Variants in SLC38A12 observed in about 807,000 individuals in gnomAD.
SLC38A12 encodes solute carrier family 38 member 12.
the SLC38A12 span, among the ~76,000 whole-genome samples, chr17:74,826,374 G>T: frequency 6.6e-6 from 1 of 152,196 alleles, no homozygotes. Context: ...TTAGCCACAG[G>T]ATAGAACCTC....
chr17:74,814,999 C>T, the SLC38A12 span, among the ~76,000 whole-genome samples: 1 of 152,148 alleles, frequency 6.6e-6, no homozygotes, highest in Non-Finnish European at 1.5e-5. Flanking sequence ...GAGCAGGGCT[C>T]AGAAGGTCAC....
At chr17:74,820,286 C>T in the SLC38A12 span, among the ~76,000 whole-genome samples, 1 of 152,226 alleles carries the variant, frequency 6.6e-6, no homozygotes, top group East Asian at 1.9e-4. Flanking sequence ...ACCATAAAAG[C>T]CAGCGGGCCA....
At chr17:74,817,563 C>G in the SLC38A12 span, among the ~76,000 whole-genome samples, 5 of 152,168 alleles carry the variant, frequency 3.3e-5, no homozygotes, top group Admixed American at 1.3e-4. Flanking sequence ...CAATACCTTT[C>G]AGAGGTACAT....
At chr17:74,808,484 T>C in the SLC38A12 span, among the ~76,000 whole-genome samples, 1 of 152,218 alleles carries the variant, frequency 6.6e-6, no homozygotes, top group Non-Finnish European at 1.5e-5. Context: ...GAAGATGCCA[T>C]CCTGCCTGGG....
At chr17:74,832,688 T>C in the SLC38A12 span, among the ~76,000 whole-genome samples, 2 of 152,244 alleles carry the variant, frequency 1.3e-5, no homozygotes, top group South Asian at 4.1e-4. Flanking sequence ...CTGGGTGAGC[T>C]TTTGACAGCA....
the SLC38A12 span, among the ~76,000 whole-genome samples, chr17:74,823,591 G>A: frequency 6.6e-6 from 1 of 152,268 alleles, no homozygotes; most frequent in Non-Finnish European, 1.5e-5. Flanking sequence ...AAGTTCTGGG[G>A]AGACTGGGCT....
At chr17:74,800,875 G>A in the SLC38A12 span, among the ~76,000 whole-genome samples, 1 of 152,334 alleles carries the variant, frequency 6.6e-6, no homozygotes, top group South Asian at 2.1e-4. Context: ...AGCTGTCTCT[G>A]TTTAGGAGTC....
At chr17:74,820,601 T>G in the SLC38A12 span, among the ~76,000 whole-genome samples, 1 of 152,166 alleles carries the variant, frequency 6.6e-6, no homozygotes, top group African/African-American at 2.4e-5. Context: ...CCTCTTCTGC[T>G]CAATCTAAAA....
chr17:74,802,799 T>C, the SLC38A12 span, among the ~76,000 whole-genome samples: 4 of 152,298 alleles, frequency 2.6e-5, no homozygotes, highest in East Asian at 7.7e-4. Context: ...GCCTAAACCA[T>C]ATTTCTTTAC....
At chr17:74,809,513 C>T in the SLC38A12 span, among the ~76,000 whole-genome samples, 11 of 152,292 alleles carry the variant, frequency 7.2e-5, no homozygotes, top group South Asian at 2.1e-4. Flanking sequence ...AGGCAGCTCT[C>T]GTCCCATGCA....
chr17:74,791,353 C>CA, the SLC38A12 span, among the ~76,000 whole-genome samples: 1 of 126,470 alleles, frequency 7.9e-6, no homozygotes, highest in African/African-American at 3.6e-5. Flanking sequence ...GCTACTCCAG[C>CA]GGAGGTCAGG....
the SLC38A12 span, among the ~76,000 whole-genome samples, chr17:74,802,599 C>G: frequency 1.2e-4 from 19 of 152,316 alleles, no homozygotes; most frequent in Admixed American, 3.3e-4. Flanking sequence ...TATTTGGGAC[C>G]AGAAGCGTTT....
At chr17:74,819,875 C>A in the SLC38A12 span, 1 of 1,582,976 alleles carries the variant, frequency 6.3e-7, no homozygotes, top group Non-Finnish European at 8.7e-7. Context: ...AGTCTCTGCG[C>A]TTTCTCCTCT....
chr17:74,825,062 A>G, the SLC38A12 span, among the ~76,000 whole-genome samples: 1 of 152,148 alleles, frequency 6.6e-6, no homozygotes, highest in Non-Finnish European at 1.5e-5. Context: ...TCTGGTGCCC[A>G]CTGCTGCCAG....
At chr17:74,830,040 A>T in the SLC38A12 span, among the ~76,000 whole-genome samples, 1 of 151,916 alleles carries the variant, frequency 6.6e-6, no homozygotes, top group Non-Finnish European at 1.5e-5. Context: ...GACCACTCTG[A>T]TCTTTCTGTC....
chr17:74,796,533 C>T, the SLC38A12 span, among the ~76,000 whole-genome samples: 40 of 152,192 alleles, frequency 2.6e-4, no homozygotes, highest in Admixed American at 2.0e-3. Context: ...ATTTCTTAAC[C>T]CCAAGGGGCC....
the SLC38A12 span, chr17:74,838,672 C>G: frequency 2.1e-6 from 3 of 1,415,126 alleles, no homozygotes; most frequent in African/African-American, 2.9e-5. Flanking sequence ...CCTCAGTGTC[C>G]TCCTGCTGTA....
chr17:74,833,271 T>C, the SLC38A12 span, among the ~76,000 whole-genome samples: 1 of 152,258 alleles, frequency 6.6e-6, no homozygotes, highest in East Asian at 1.9e-4. Flanking sequence ...TGCCTCGGCC[T>C]CCCAAGGTGC....
At chr17:74,788,958 A>G in the SLC38A12 span, 699 of 1,217,588 alleles carry the variant, frequency 5.7e-4, 5 homozygotes, top group East Asian at 0.014. Flanking sequence ...TTTTCCTCTC[A>G]GTGCATGGCG....
Sources: gnomAD v4.1 joint callset for allele counts (sites outside exome capture counted in the v4.1 genomes callset) on GRCh38, gnomAD v4.1.1 for gene constraint, MANE v1.5 for transcripts, NCBI Gene and HGNC (gene_info 2026-07-23, HGNC 2026-07-21) for gene names.